PALS2: variants seen among roughly 807,000 people sequenced by gnomAD.
PALS2 encodes protein associated with LIN7 2, MAGUK p55 family member, also known as protein PALS2.
PALS2 carries 27 observed loss-of-function variants against 61.6 expected under a neutral mutation model. The ratio of observed to expected loss-of-function variants is 0.44; its 90% CI spans 0.32 to 0.60. The LOEUF (loss-of-function observed/expected upper bound fraction) is 0.60. PALS2 is among the 20% of genes least tolerant of loss of function. PALS2 has a pLI of 0.05. For synonymous variants in PALS2, 236 were observed against 218.6 expected, an observed-to-expected ratio of 1.08 and a Z score of -0.70; for missense variants, 554 against 639.4, an observed-to-expected ratio of 0.87 and a Z score of 1.44.
chr7:24,574,090 C>T (rs949778069), intron 1 of PALS2: 2 of 152,222 alleles, frequency 1.3e-5, no homozygotes, highest in Admixed American at 6.5e-5. Flanking sequence ...GGGTCTGTCC[C>T]GAGAGGGGGT....
At chr7:24,667,751 G>A (rs559007932) in intron 8 of PALS2, among the ~76,000 whole-genome samples, 1 of 138,272 alleles carries the variant, frequency 7.2e-6, no homozygotes, top group South Asian at 2.2e-4. Context: ...TGCAGTCTCT[G>A]CTTCCTGGGT....
chr7:24,660,710 G>A (rs1786672991), intron 5 of PALS2, among the ~76,000 whole-genome samples: 1 of 152,154 alleles, frequency 6.6e-6, no homozygotes, highest in African/African-American at 2.4e-5. Flanking sequence ...GGATGTATCT[G>A]CATAACATAG....
chr7:24,655,196 C>G (rs926725757), intron 5 of PALS2, among the ~76,000 whole-genome samples: 1 of 152,122 alleles, frequency 6.6e-6, no homozygotes, highest in African/African-American at 2.4e-5. Flanking sequence ...GTTAAATATT[C>G]ACATATATCA....
At chr7:24,642,835 A>G (rs891046897) in intron 3 of PALS2, among the ~76,000 whole-genome samples, 9 of 152,242 alleles carry the variant, frequency 5.9e-5, no homozygotes, top group African/African-American at 2.2e-4. Flanking sequence ...GAGTCCTTAT[A>G]AAGGCATACT....
intron 1 of PALS2, among the ~76,000 whole-genome samples, chr7:24,612,580 A>G (rs1583873647): frequency 6.6e-6 from 1 of 151,744 alleles, no homozygotes; most frequent in East Asian, 1.9e-4. Flanking sequence ...TAATCAATTT[A>G]TTTTAAATGT....
rs540235172 is a variant in PALS2 at position 24,576,291 on chromosome 7, A to G, written c.-3+2698A>G. ...CCAGTTTTGTTTAGTCTTCCTGTTC[A>G]GTCTCACAGAAGCTGCAATGATTTT... On this transcript the variant is annotated intron_variant, in intron 1 of 11. Transcript: ENST00000222644. 1.8e-3 allele frequency among the ~76,000 whole-genome samples: 270 copies of G among 152,294 alleles called. 1 individual carries two copies. Among genetic ancestry groups the G allele is most frequent in the African/African-American group, 6.2e-3 (259 of 41,562 alleles).
chr7:24,677,860 G>T (rs544993173), intron 9 of PALS2, among the ~76,000 whole-genome samples: 110 of 152,246 alleles, frequency 7.2e-4, no homozygotes, highest in Non-Finnish European at 8.4e-4. Flanking sequence ...GGGAAAACAG[G>T]AGTCCTATTA....
At chr7:24,634,921 A>G (rs1211654620) in intron 2 of PALS2, among the ~76,000 whole-genome samples, 3 of 152,118 alleles carry the variant, frequency 2.0e-5, no homozygotes, top group Admixed American at 6.6e-5. Flanking sequence ...TTTCAATTCT[A>G]TTCCATTGAT....
intron 1 of PALS2, among the ~76,000 whole-genome samples, chr7:24,593,864 G>T (rs1431133994): frequency 2.0e-5 from 3 of 152,038 alleles, no homozygotes; most frequent in Non-Finnish European, 4.4e-5. Flanking sequence ...AATGAGGATT[G>T]GCTTCAGCTT....
intron 11 of PALS2, among the ~76,000 whole-genome samples, chr7:24,681,295 C>T (rs961291906): frequency 2.0e-5 from 3 of 152,088 alleles, no homozygotes; most frequent in African/African-American, 4.8e-5. Flanking sequence ...CTATGCCGAT[C>T]GCCTAGCTTC....
rs1384547577 is a variant in PALS2, at chr7:24,691,746, G to A, written c.*4132G>A. 1.3e-5 allele frequency: 2 copies of A among 152,024 alleles called. No homozygotes were observed. The highest frequency in any genetic ancestry group is 4.8e-5 in the African/African-American group (2 of 41,516). 9.4% of individuals were successfully genotyped at this position (152,024 alleles called of 1,614,324 possible). A position where few individuals can be genotyped will look rare whatever the true frequency, so the allele number is the denominator to read the frequency against. On this transcript the variant is annotated 3_prime_UTR_variant, in exon 12 of 12. Coordinates refer to ENST00000222644, the MANE Select transcript of PALS2 (RefSeq NM_001303037.2). ...TTTGGAAATTCTTATTTAAACTTTTGAATGAATCTTTAATATGATTCAGGC... is the reference window on the plus strand; with the variant it reads ...TTTGGAAATTCTTATTTAAACTTTTAAATGAATCTTTAATATGATTCAGGC...
intron 2 of PALS2, chr7:24,624,255 G>A (rs1298463249): frequency 9.0e-6 from 5 of 558,194 alleles, no homozygotes; most frequent in Non-Finnish European, 1.3e-5. Flanking sequence ...CAACTCTGGA[G>A]TAATCTCTTT....
intron 1 of PALS2, among the ~76,000 whole-genome samples, chr7:24,600,383 C>T (rs910202477): frequency 6.6e-6 from 1 of 152,118 alleles, no homozygotes; most frequent in African/African-American, 2.4e-5. Context: ...ATTCTAGTAG[C>T]TTATAAAATA....
At chr7:24,677,993 C>T (rs1037331775) in intron 9 of PALS2, among the ~76,000 whole-genome samples, 16 of 152,104 alleles carry the variant, frequency 1.1e-4, no homozygotes, top group African/African-American at 2.7e-4. Context: ...TCTTTTTATT[C>T]GGATTACTTT....
chr7:24,588,117 C>A (rs1479736398), intron 1 of PALS2, among the ~76,000 whole-genome samples: 1 of 152,098 alleles, frequency 6.6e-6, no homozygotes, highest in Non-Finnish European at 1.5e-5. Flanking sequence ...TTATCTGGCG[C>A]CAACTGACAG....
intron 9 of PALS2, among the ~76,000 whole-genome samples, chr7:24,676,942 A>G (rs1326797434): frequency 6.6e-6 from 1 of 151,064 alleles, no homozygotes; most frequent in African/African-American, 2.5e-5. Flanking sequence ...TGGGGATGGC[A>G]TTGAGTCTGT....
At chr7:24,614,745 A>G (rs1054545542) in intron 1 of PALS2, among the ~76,000 whole-genome samples, 1 of 151,992 alleles carries the variant, frequency 6.6e-6, no homozygotes, top group Admixed American at 6.6e-5. Flanking sequence ...CCTAACAGAC[A>G]TTTACAGAAC....
chr7:24,605,121 A>G (rs1232876673), intron 1 of PALS2, among the ~76,000 whole-genome samples: 3 of 152,224 alleles, frequency 2.0e-5, no homozygotes, highest in African/African-American at 7.2e-5. Flanking sequence ...TCTTCATGCC[A>G]ATATTATCAG....
rs1368466134 is a variant in PALS2 at position 24,649,601 on chromosome 7, A to G, written c.271-11A>G. On this transcript the variant is annotated splice_polypyrimidine_tract_variant and intron_variant, in intron 3 of 11. Coordinates refer to ENST00000222644, the MANE Select transcript of PALS2 (RefSeq NM_001303037.2). ...TCATAAATAACCACAGGCTATTTTG[A>G]CTCCTTATAGTCACTGTTGGAGGCC... 1.1e-5 allele frequency: 17 copies of G among 1,540,482 alleles called. No individual in the cohort carries two copies. Among genetic ancestry groups the G allele is most frequent in the Non-Finnish European group, 1.5e-5 (17 of 1,147,112 alleles).
Sources: allele counts gnomAD v4.1 joint callset (sites outside exome capture counted in the v4.1 genomes callset), GRCh38; gene constraint gnomAD v4.1.1; transcripts MANE v1.5; gene names NCBI Gene and HGNC (gene_info 2026-07-23, HGNC 2026-07-21).